Variants in IGF1R observed in about 807,000 individuals in gnomAD.
IGF1R encodes insulin-like growth factor 1 receptor.
In IGF1R, 44 loss-of-function variants were observed where a neutral mutation model predicts 144.6. The observed-to-expected ratio is 0.30, with a 90% confidence interval of 0.24 to 0.39. The LOEUF (loss-of-function observed/expected upper bound fraction) is 0.39. Ranked by LOEUF, IGF1R falls within the 10% of genes least tolerant of loss-of-function variation. The probability of loss-of-function intolerance (pLI) is 1.00; values close to 1 mark genes in which losing one functional copy is unlikely to be tolerated. For synonymous variants in IGF1R, 795 were observed against 722.8 expected (o/e 1.10, Z -1.60); for missense variants, 1,355 against 1,833.7 (o/e 0.74, Z 4.77).
chr15:98,897,330 T>C (rs1043676729), intron 4 of IGF1R: 1 of 197,654 alleles, frequency 5.1e-6, no homozygotes, highest in African/African-American at 2.4e-5. Context: ...AAGGGAAGTT[T>C]AGTGATATCA....
intron 1 of IGF1R, among the ~76,000 whole-genome samples, chr15:98,700,547 A>G (rs1016836865): frequency 4.8e-4 from 73 of 152,296 alleles, no homozygotes; most frequent in African/African-American, 1.7e-3. Flanking sequence ...GCGTTTTAAC[A>G]GTTCCTTCAA....
chr15:98,732,283 AC>A (rs1336746679), intron 2 of IGF1R, among the ~76,000 whole-genome samples: 1 of 152,216 alleles, frequency 6.6e-6, no homozygotes, highest in African/African-American at 2.4e-5. Flanking sequence ...TTTGCCAAGT[AC>A]CAGAGATTGT....
chr15:98,750,033 A>T (rs1274690533), intron 2 of IGF1R, among the ~76,000 whole-genome samples: 1 of 152,188 alleles, frequency 6.6e-6, no homozygotes, highest in Non-Finnish European at 1.5e-5. Flanking sequence ...TCTAAGGGAT[A>T]TGAAGCTGTG....
At chr15:98,811,028 C>T (rs1037312287) in intron 2 of IGF1R, among the ~76,000 whole-genome samples, 2 of 151,688 alleles carry the variant, frequency 1.3e-5, no homozygotes, top group Admixed American at 6.6e-5. Context: ...TGGCTGGACG[C>T]GGTGGCTCAC....
intron 13 of IGF1R, among the ~76,000 whole-genome samples, chr15:98,926,851 C>T (rs138438298): frequency 6.6e-6 from 1 of 152,280 alleles, no homozygotes; most frequent in African/African-American, 2.4e-5. Context: ...CTAGTCTCAC[C>T]AGTTAGTCTA....
intron 2 of IGF1R, among the ~76,000 whole-genome samples, chr15:98,886,808 T>C (rs1208226886): frequency 6.6e-6 from 1 of 152,174 alleles, no homozygotes; most frequent in African/African-American, 2.4e-5. Context: ...CAGCGGGCTC[T>C]GGGGCTGGCT....
chr15:98,910,995 A>T (rs188595634), intron 6 of IGF1R, among the ~76,000 whole-genome samples: 29 of 152,258 alleles, frequency 1.9e-4, no homozygotes, highest in African/African-American at 6.0e-4. Context: ...GATCTTAGGG[A>T]TGGAGAAGAA....
intron 2 of IGF1R, among the ~76,000 whole-genome samples, chr15:98,873,295 C>G (rs1403232740): frequency 6.6e-6 from 1 of 152,056 alleles, no homozygotes; most frequent in African/African-American, 2.4e-5. Flanking sequence ...AAAAAAATCT[C>G]CAATAAGTTT....
intron 2 of IGF1R, among the ~76,000 whole-genome samples, chr15:98,855,321 G>A (rs1054157655): frequency 6.6e-6 from 1 of 152,198 alleles, no homozygotes; most frequent in Non-Finnish European, 1.5e-5. Flanking sequence ...CAGACGCCCC[G>A]AGCCTGTCTT....
At position 98,959,991 on chromosome 15, in the gene IGF1R, G is replaced by GGGGTGTGTGTGTGTGTGTATGTGTC. The variant is rs1444167162; in HGVS notation, c.*2564_*2565insTGTATGTGTCGGGTGTGTGTGTGTG. The GGGGTGTGTGTGTGTGTGTATGTGTC allele has an allele frequency of 3.9e-5, 9 of 232,646 alleles. No homozygotes were observed. Among genetic ancestry groups the GGGGTGTGTGTGTGTGTGTATGTGTC allele is most frequent in the African/African-American group, 1.5e-4 (7 of 45,256 alleles). The allele number at this position is 232,646 out of a possible 1,614,324, so 14.4% of individuals were successfully genotyped here. On this transcript the variant is annotated 3_prime_UTR_variant, in exon 21 of 21. Coordinates refer to ENST00000650285, the MANE Select transcript of IGF1R (RefSeq NM_000875.5). ...AAAGGGTGTGTGTGTGTGTATGTGT[G>GGGGTGTGTGTGTGTGTGTATGTGTC]GGGTGTGTGTGTGTGAGAGTGATGG... is the stretch of plus-strand genomic sequence containing the variant.
intron 13 of IGF1R, among the ~76,000 whole-genome samples, chr15:98,925,169 G>A (rs2015663042): frequency 6.6e-6 from 1 of 152,100 alleles, no homozygotes; most frequent in Non-Finnish European, 1.5e-5. Context: ...AATCTCCACG[G>A]TAGCATCGCA....
At chr15:98,681,059 A>G (rs1309981656) in intron 1 of IGF1R, among the ~76,000 whole-genome samples, 1 of 152,130 alleles carries the variant, frequency 6.6e-6, no homozygotes, top group Non-Finnish European at 1.5e-5. Context: ...GTAGTAGGCT[A>G]TACCATTGAG....
Position 98,649,435 on chromosome 15 carries a change from G to A in IGF1R, c.-147G>A, listed in dbSNP as rs1156787437. ...GGGCCCCGGCGGCGCCGCCTTCGGA[G>A]TATTGTTTCCTTCGCCCTTGTTTTT... On this transcript the variant is annotated 5_prime_UTR_variant, in exon 1 of 21. Coordinates refer to ENST00000650285, the MANE Select transcript of IGF1R (RefSeq NM_000875.5). 3.4e-6 allele frequency: 2 copies of A among 596,686 alleles called. No individual in the cohort carries two copies. Among genetic ancestry groups the A allele is most frequent in the Non-Finnish European group, 5.6e-6 (2 of 357,618 alleles). The allele number at this position is 596,686 out of a possible 1,614,324, so 37.0% of individuals were successfully genotyped here.
intron 2 of IGF1R, among the ~76,000 whole-genome samples, chr15:98,780,549 C>CAAAAAAAAAAAAAAAAAAAAAAA (rs1192949160): frequency 4.2e-5 from 1 of 23,968 alleles, no homozygotes; most frequent in Non-Finnish European, 1.5e-4. Flanking sequence ...AACTCTGTCT[C>CAAAAAAAAAAAAAAAAAAAAAAA]AAAAAAAAAA....
chr15:98,776,117 A>G (rs191393252), intron 2 of IGF1R, among the ~76,000 whole-genome samples: 1 of 152,184 alleles, frequency 6.6e-6, no homozygotes, highest in East Asian at 1.9e-4. Flanking sequence ...AAACTCCCGA[A>G]GGGAGGGTGG....
At chr15:98,861,391 G>A (rs759343942) in intron 2 of IGF1R, among the ~76,000 whole-genome samples, 29 of 152,064 alleles carry the variant, frequency 1.9e-4, no homozygotes, top group Non-Finnish European at 3.7e-4. Flanking sequence ...GCTGACCCGC[G>A]TAGGGAGGAC....
chr15:98,662,237 T>C (rs908729868), intron 1 of IGF1R, among the ~76,000 whole-genome samples: 2 of 151,976 alleles, frequency 1.3e-5, no homozygotes, highest in Non-Finnish European at 2.9e-5. Context: ...GACCTCGGCC[T>C]CCCATAGTGC....
intron 1 of IGF1R, among the ~76,000 whole-genome samples, chr15:98,702,793 C>CTAGG (rs1029436476): frequency 6.6e-6 from 1 of 151,994 alleles, no homozygotes; most frequent in African/African-American, 2.4e-5. Flanking sequence ...AAAACAAAAC[C>CTAGG]TAGGTGTTAT....
chr15:98,829,846 C>T (rs917829187), intron 2 of IGF1R, among the ~76,000 whole-genome samples: 2 of 152,168 alleles, frequency 1.3e-5, no homozygotes, highest in Admixed American at 6.5e-5. Context: ...TTTGGTGAAA[C>T]CTGATAACCT....
Sources: gnomAD v4.1 joint callset for allele counts (sites outside exome capture counted in the v4.1 genomes callset) on GRCh38, gnomAD v4.1.1 for gene constraint, MANE v1.5 for transcripts, NCBI Gene and HGNC (gene_info 2026-07-23, HGNC 2026-07-21) for gene names.